The following CPLX1 variants were observed in gnomAD, a reference collection of about 807,000 sequenced individuals.
CPLX1 encodes complexin-1.
CPLX1 carries 6 observed loss-of-function variants against 15.6 expected under a neutral mutation model. The observed-to-expected ratio is 0.39, with a 90% confidence interval of 0.21 to 0.76. CPLX1 has a LOEUF of 0.76. Ranked by LOEUF, CPLX1 falls within the 30% of genes least tolerant of loss-of-function variation. The pLI is 0.43. For missense variants in CPLX1, 242 were observed against 188.6 expected (o/e 1.28, Z -1.66); for synonymous variants, 91 against 75.2 (o/e 1.21, Z -1.08).
chr4:807,726 C>T lies in CPLX1; in HGVS notation c.32-15118G>A, dbSNP rs181612051. Among the ~76,000 whole-genome samples, 16 of 152,128 alleles carry T rather than the reference C, an allele frequency of 1.1e-4. No homozygotes were observed. In the South Asian group the frequency reaches 2.7e-3, roughly 26 times the overall value. ...CTCAAACTCCTGACCTCAGGTGATCCGCCGTCCTCGGCCTCCCAAAGTACT... is the reference window on the plus strand; with the variant it reads ...CTCAAACTCCTGACCTCAGGTGATCTGCCGTCCTCGGCCTCCCAAAGTACT... On this transcript the variant is annotated intron_variant, in intron 2 of 3. Transcript: ENST00000304062.
chr4:814,979 C>T (rs1213780482), intron 2 of CPLX1, among the ~76,000 whole-genome samples: 1 of 152,132 alleles, frequency 6.6e-6, no homozygotes, highest in Admixed American at 6.5e-5. Context: ...TCTGGGGGCT[C>T]CCAAAACAGA....
chr4:807,567 T>G (rs779747202), intron 2 of CPLX1, among the ~76,000 whole-genome samples: 24 of 152,146 alleles, frequency 1.6e-4, no homozygotes, highest in Non-Finnish European at 3.1e-4. Flanking sequence ...CTCTGCCTCC[T>G]GGGTTCAAGA....
intron 2 of CPLX1, among the ~76,000 whole-genome samples, chr4:801,410 G>T (rs1247695371): frequency 6.6e-6 from 1 of 152,158 alleles, no homozygotes; most frequent in Non-Finnish European, 1.5e-5. Flanking sequence ...TTTTTAAAGT[G>T]GACAAAAGAC....
chr4:810,072 T>C (rs1237554589), intron 2 of CPLX1, among the ~76,000 whole-genome samples: 43 of 141,040 alleles, frequency 3.0e-4, no homozygotes, highest in Admixed American at 5.8e-4. Context: ...TTTTTTGAGA[T>C]GGAGTCTCGC....
At chr4:806,748 G>A (rs960664888) in intron 2 of CPLX1, among the ~76,000 whole-genome samples, 1 of 152,184 alleles carries the variant, frequency 6.6e-6, no homozygotes, top group Non-Finnish European at 1.5e-5. Flanking sequence ...GATCACTAGA[G>A]AAATGCAAAT....
intron 3 of CPLX1, chr4:788,036 A>C: frequency 1.0e-6 from 1 of 985,334 alleles, no homozygotes. Context: ...CCAGGAGAAA[A>C]CTTAGGAGGG....
At chr4:803,720 G>C (rs375406932) in intron 2 of CPLX1, among the ~76,000 whole-genome samples, 1 of 151,368 alleles carries the variant, frequency 6.6e-6, no homozygotes, top group East Asian at 2.0e-4. Flanking sequence ...GTCCAGACTG[G>C]AGTGCAATGG....
rs1746052940 is a variant in CPLX1, at chr4:787,991, G to C, written c.208-1293C>G. 4 of 985,312 alleles carry C rather than the reference G, an allele frequency of 4.1e-6. No individual in the cohort carries two copies. In the South Asian group the frequency reaches 1.4e-4, roughly 35 times the overall value. The allele number at this position is 985,312 out of a possible 1,614,324, so 61.0% of individuals were successfully genotyped here. A position where few individuals can be genotyped will look rare whatever the true frequency, so the allele number is the denominator to read the frequency against. ...CAAGGTCCTGGATCTGAGATTACAG[G>C]TGCTCTGGAGTAGTGAAGGCGTCAG... On this transcript the variant is annotated intron_variant, in intron 3 of 3. Coordinates refer to ENST00000304062, the MANE Select transcript of CPLX1 (RefSeq NM_006651.4).
At chr4:822,927 C>A (rs973611622) in intron 2 of CPLX1, among the ~76,000 whole-genome samples, 4 of 152,106 alleles carry the variant, frequency 2.6e-5, no homozygotes, top group Non-Finnish European at 5.9e-5. Flanking sequence ...CAGCGTGGAG[C>A]CCCCCCAGGG....
intron 1 of CPLX1, chr4:824,965 G>A (rs1011912994): frequency 5.5e-6 from 2 of 361,872 alleles, no homozygotes; most frequent in East Asian, 7.2e-5. Context: ...CGGCGCCTCC[G>A]CGGTGGTCCC....
chr4:817,839 T>G (rs945343973), intron 2 of CPLX1, among the ~76,000 whole-genome samples: 2 of 152,202 alleles, frequency 1.3e-5, no homozygotes, highest in African/African-American at 4.8e-5. Flanking sequence ...GGAGGGTGCA[T>G]TGTTCCCACC....
At chr4:807,543 C>T (rs1193859212) in intron 2 of CPLX1, among the ~76,000 whole-genome samples, 2 of 151,794 alleles carry the variant, frequency 1.3e-5, no homozygotes, top group Admixed American at 6.6e-5. Flanking sequence ...GGCACAATCT[C>T]GGCTCACTGC....
chr4:787,158 G>A (rs2152641030), intron 3 of CPLX1: 4 of 985,418 alleles, frequency 4.1e-6, no homozygotes, highest in South Asian at 4.7e-5. Context: ...CCCGGGCCTG[G>A]CCAAGGCTGC....
chr4:795,966 C>T (rs921423565), intron 2 of CPLX1, among the ~76,000 whole-genome samples: 1 of 152,142 alleles, frequency 6.6e-6, no homozygotes, highest in Non-Finnish European at 1.5e-5. Flanking sequence ...AGCCCTGAGG[C>T]TCTTCCCGGG....
intron 2 of CPLX1, among the ~76,000 whole-genome samples, chr4:802,767 G>A (rs1489344796): frequency 6.6e-6 from 1 of 152,116 alleles, no homozygotes; most frequent in African/African-American, 2.4e-5. Flanking sequence ...GGCCAACATC[G>A]TGAAACCCCA....
At chr4:825,183 C>T (rs1052902312) in intron 1 of CPLX1, among the ~76,000 whole-genome samples, 2 of 150,950 alleles carry the variant, frequency 1.3e-5, no homozygotes, top group Non-Finnish European at 3.0e-5. Context: ...CACGTGGGGA[C>T]GGGGACAGAG....
intron 2 of CPLX1, among the ~76,000 whole-genome samples, chr4:810,162 G>C (rs1018082320): frequency 1.3e-5 from 2 of 148,826 alleles, no homozygotes; most frequent in African/African-American, 5.0e-5. Flanking sequence ...CCATTCTCCT[G>C]CCTCAGCCTC....
intron 2 of CPLX1, among the ~76,000 whole-genome samples, chr4:806,475 G>A (rs188589222): frequency 7.3e-4 from 111 of 152,288 alleles, no homozygotes; most frequent in Admixed American, 3.6e-3. Context: ...ATACCATTCA[G>A]GACATAGGCA....
intron 2 of CPLX1, among the ~76,000 whole-genome samples, chr4:824,256 G>A (rs745842054): frequency 7.9e-5 from 12 of 152,242 alleles, no homozygotes; most frequent in African/African-American, 2.9e-4. Flanking sequence ...TGAGCTTACA[G>A]GGCAGCCCCT....
Sources: gnomAD v4.1 joint callset for allele counts (sites outside exome capture counted in the v4.1 genomes callset) on GRCh38, gnomAD v4.1.1 for gene constraint, MANE v1.5 for transcripts, NCBI Gene and HGNC (gene_info 2026-07-23, HGNC 2026-07-21) for gene names.